Variants in CACNA1C observed in about 807,000 individuals in gnomAD.
CACNA1C encodes the protein voltage-dependent L-type calcium channel subunit alpha-1C.
Under a neutral mutation model 229.0 loss-of-function variants are expected in CACNA1C, and 30 were observed. The observed-to-expected ratio is 0.13, with a 90% CI of 0.10 to 0.18. The LOEUF (loss-of-function observed/expected upper bound fraction) is 0.18. Ranked by LOEUF, CACNA1C falls within the 10% of genes least tolerant of loss-of-function variation. The pLI, the probability that CACNA1C is intolerant of heterozygous loss-of-function variation, is 1.00. For missense variants in CACNA1C, 1,658 were observed against 2,845.0 expected (o/e 0.58, Z 9.49); for synonymous variants, 1,114 against 1,132.5 (o/e 0.98, Z 0.33).
intron 1 of CACNA1C, among the ~76,000 whole-genome samples, chr12:1,987,108 G>A (rs1320742763): frequency 1.3e-5 from 2 of 152,108 alleles, no homozygotes; most frequent in Non-Finnish European, 2.9e-5. Flanking sequence ...TTAAAAAAAA[G>A]AACTTACAGG....
intron 1 of CACNA1C, among the ~76,000 whole-genome samples, chr12:2,065,878 A>G (rs2238013): frequency 6.6e-6 from 1 of 151,806 alleles, no homozygotes; most frequent in Non-Finnish European, 1.5e-5. Context: ...GGCTGGAGCA[A>G]GGTTTTGCAG....
intron 29 of CACNA1C, among the ~76,000 whole-genome samples, chr12:2,625,165 G>A (rs772420322): frequency 2.0e-5 from 3 of 151,582 alleles, no homozygotes; most frequent in Non-Finnish European, 2.9e-5. Flanking sequence ...GTTTCTTTCC[G>A]GCCTTGTGCT....
chr12:2,048,956 C>A (rs568787536), upstream of CACNA1C, among the ~76,000 whole-genome samples: 2 of 152,320 alleles, frequency 1.3e-5, no homozygotes, highest in South Asian at 4.1e-4. Context: ...AGGATACTGT[C>A]AACATTTTGG....
chr12:2,116,395 G>T (rs887801715), intron 2 of CACNA1C, among the ~76,000 whole-genome samples: 1 of 148,010 alleles, frequency 6.8e-6, no homozygotes, highest in African/African-American at 2.5e-5. Flanking sequence ...TTTTTGAGAC[G>T]GAGTCTCGCT....
At chr12:2,622,263 C>A (rs1321368541) in intron 29 of CACNA1C, among the ~76,000 whole-genome samples, 1 of 152,142 alleles carries the variant, frequency 6.6e-6, no homozygotes, top group African/African-American at 2.4e-5. Flanking sequence ...AAGGGCCGGA[C>A]AGAGGCCAGT....
chr12:2,007,456 A>G (rs1363563659), intron 1 of CACNA1C, among the ~76,000 whole-genome samples: 4 of 152,224 alleles, frequency 2.6e-5, no homozygotes, highest in African/African-American at 9.7e-5. Context: ...ATTGCAAAGC[A>G]TTTATGGAGT....
At position 2,679,683 on chromosome 12, in the gene CACNA1C, C is replaced by T. The variant is rs587780880; in HGVS notation, c.5331C>T (p.Arg1777=). 1.9e-6 allele frequency: 3 copies of T among 1,613,018 alleles called. No homozygotes were observed. The highest frequency in any genetic ancestry group is 2.2e-5 in the East Asian group (1 of 44,860). The change falls in exon 42 of 47, where the codon CGC becomes CGT. Residue 1777 remains arginine (R), a synonymous_variant. Coordinates refer to ENST00000399655, the MANE Select transcript of CACNA1C (RefSeq NM_000719.7). The surrounding 1 kb of genome is among the most constrained non-coding windows in gnomAD (Gnocchi z 5.5). ...ACGCCAACAACACCGCCCTGGGTCG[C>T]CTCCCTCGCCCCGCCGGCTACCCCA... The part of the protein sequence containing the change: ...INNANNTALG[R]LPRPAGYPST...
chr12:2,597,202 C>T lies in CACNA1C; in HGVS notation c.2794-28C>T. 5 of 1,490,582 alleles carry T rather than the reference C, an allele frequency of 3.4e-6. No individual in the cohort carries two copies. Among genetic ancestry groups the T allele is most frequent in the Non-Finnish European group, 4.7e-6 (5 of 1,068,862 alleles). 92.3% of individuals were successfully genotyped at this position (1,490,582 alleles called of 1,614,324 possible). On this transcript the variant is annotated intron_variant, in intron 20 of 46. Transcript: ENST00000399655. This position sits in a 1 kb window ranked among gnomAD's most constrained non-coding sequence, Gnocchi z 4.3. The stretch of plus-strand genomic sequence containing the variant: ...TGCTTTTCTCCCTTCCCCATCCCAT[C>T]CCCACCCTGTTCCTTTTTGTTTTGC...
At chr12:2,166,881 A>G (rs1434337719) in intron 3 of CACNA1C, among the ~76,000 whole-genome samples, 1 of 152,206 alleles carries the variant, frequency 6.6e-6, no homozygotes, top group Non-Finnish European at 1.5e-5. Context: ...AGTGTGCAGG[A>G]TGTGAGCACA....
At position 2,582,960 on chromosome 12, in the gene CACNA1C, C is replaced by T; in HGVS notation, c.2224+18C>T. ...TGGAAACTGTATCCTTTGCTGCTGC[C>T]CCCCACCCCTGCGGCCCCCAGCCCC... On this transcript the variant is annotated intron_variant, in intron 15 of 46. Coordinates refer to ENST00000399655, the MANE Select transcript of CACNA1C (RefSeq NM_000719.7). 3.2e-6 allele frequency: 5 copies of T among 1,540,332 alleles called. No homozygotes were observed. Among genetic ancestry groups the T allele is most frequent in the Non-Finnish European group, 4.4e-6 (5 of 1,138,004 alleles).
intron 3 of CACNA1C, among the ~76,000 whole-genome samples, chr12:2,154,239 A>G (rs769423898): frequency 3.3e-5 from 5 of 152,222 alleles, no homozygotes; most frequent in Non-Finnish European, 5.9e-5. Context: ...AAGAAATCCT[A>G]CATCCCACTC....
intron 3 of CACNA1C, among the ~76,000 whole-genome samples, chr12:2,359,979 A>C (rs1204564576): frequency 6.6e-6 from 1 of 152,136 alleles, no homozygotes; most frequent in South Asian, 2.1e-4. Context: ...TAAGTCATCC[A>C]GTGCACAGCT....
At chr12:2,204,013 A>T (rs954268250) in intron 3 of CACNA1C, among the ~76,000 whole-genome samples, 1 of 152,220 alleles carries the variant, frequency 6.6e-6, no homozygotes, top group African/African-American at 2.4e-5. Context: ...TGAGTTAGGA[A>T]TGAATCAGAA....
chr12:2,419,081 C>T (rs918977364), intron 3 of CACNA1C, among the ~76,000 whole-genome samples: 5 of 152,218 alleles, frequency 3.3e-5, no homozygotes, highest in African/African-American at 2.4e-5. Flanking sequence ...CGGGGCATAA[C>T]GCCTTCCTGC....
intron 5 of CACNA1C, among the ~76,000 whole-genome samples, chr12:2,471,130 C>T (rs145746188): frequency 2.7e-4 from 41 of 152,256 alleles, no homozygotes; most frequent in African/African-American, 8.9e-4. Context: ...CTGTGCCTGA[C>T]GTACACATCA....
At chr12:2,203,706 C>G (rs1342906346) in intron 3 of CACNA1C, among the ~76,000 whole-genome samples, 3 of 152,204 alleles carry the variant, frequency 2.0e-5, no homozygotes, top group Non-Finnish European at 4.4e-5. Flanking sequence ...CTCATGGCTT[C>G]ACTCAGCCAA....
chr12:2,177,892 C>T (rs187543703), intron 3 of CACNA1C, among the ~76,000 whole-genome samples: 102 of 152,222 alleles, frequency 6.7e-4, no homozygotes, highest in Middle Eastern at 3.4e-3. Context: ...CCGCCTCTGC[C>T]TCCCAAAGTG....
chr12:2,415,644 C>G (rs901562924), intron 3 of CACNA1C, among the ~76,000 whole-genome samples: 1 of 152,290 alleles, frequency 6.6e-6, no homozygotes, highest in East Asian at 1.9e-4. Context: ...CCTGGGGAGG[C>G]AGAGGTCGGA....
chr12:2,452,947 A>G (rs1349500117), intron 4 of CACNA1C, among the ~76,000 whole-genome samples: 3 of 152,188 alleles, frequency 2.0e-5, no homozygotes, highest in African/African-American at 7.2e-5. Flanking sequence ...TTGTGGAGAA[A>G]GAAGCCCACT....
Sources: allele counts gnomAD v4.1 joint callset (sites outside exome capture counted in the v4.1 genomes callset), GRCh38; gene constraint gnomAD v4.1.1; non-coding constraint Gnocchi (gnomAD v3.1); transcripts MANE v1.5; gene names NCBI Gene and HGNC (gene_info 2026-07-23, HGNC 2026-07-21).